CEP112: variants seen among roughly 807,000 people sequenced by gnomAD.
CEP112 encodes the protein centrosomal protein of 112 kDa.
Under a neutral mutation model 153.0 loss-of-function variants are expected in CEP112, and 127 were observed. The observed-to-expected ratio is 0.83, with a 90% CI of 0.72 to 0.96. The LOEUF is 0.96. Ranked by LOEUF, CEP112 falls within the 40% of genes least tolerant of loss-of-function variation. The pLI is 0.00. For missense variants in CEP112, 1,089 were observed against 1,101.2 expected (o/e 0.99, Z 0.16); for synonymous variants, 358 against 374.4 (o/e 0.96, Z 0.51).
At position 66,175,102 on chromosome 17, in the gene CEP112, A is replaced by G. The variant is rs1429407267; in HGVS notation, c.412T>C (p.Trp138Arg). ...ETSEHKLNES[W>R]KLSSGEDNTL... is the part of the protein sequence containing the mutation. ...TTATCTTCTCCAGAAGAGAGTTTCC[A>G]TGATTCATTTAATTTGTGTTCACTT... Residue 138 changes from tryptophan (W) to arginine (R), a missense_variant, in exon 4 of 27, where the codon TGG becomes CGG. Physicochemically the swap from Trp to Arg is moderately radical, Grantham distance 101. Coordinates refer to ENST00000535342, the MANE Select transcript of CEP112 (RefSeq NM_001199165.4). The G allele has an allele frequency of 1.2e-6, 2 of 1,613,148 alleles. No individual in the cohort carries two copies. The highest frequency in any genetic ancestry group is 2.7e-5 in the African/African-American group (2 of 74,894).
At chr17:66,188,475 T>C (rs2073033371) in intron 1 of CEP112, among the ~76,000 whole-genome samples, 1 of 124,998 alleles carries the variant, frequency 8.0e-6, no homozygotes, top group East Asian at 2.6e-4. Flanking sequence ...GTCAGGTAAA[T>C]GCAGCTCAAA....
intron 8 of CEP112, among the ~76,000 whole-genome samples, chr17:66,070,921 A>G (rs2067287783): frequency 6.6e-6 from 1 of 152,140 alleles, no homozygotes; most frequent in Admixed American, 6.6e-5. Context: ...TAATTAAGGA[A>G]AAGTATCCTT....
chr17:65,972,286 T>C (rs1280166793), intron 17 of CEP112, among the ~76,000 whole-genome samples: 1 of 152,240 alleles, frequency 6.6e-6, no homozygotes, highest in Non-Finnish European at 1.5e-5. Context: ...ATAATGTTTT[T>C]CTACACAGCC....
intron 17 of CEP112, among the ~76,000 whole-genome samples, chr17:66,003,990 T>TTATAAAA (rs150866981): frequency 0.41 from 61,882 of 151,114 alleles, 14,080 homozygotes; most frequent in East Asian, 0.87. Flanking sequence ...TTCCTTAGAT[T>TTATAAAA]TATAAATCAA....
intron 4 of CEP112, among the ~76,000 whole-genome samples, chr17:66,169,015 G>T (rs965118624): frequency 6.6e-6 from 1 of 152,090 alleles, no homozygotes; most frequent in African/African-American, 2.4e-5. Context: ...CTCTATGTCT[G>T]TCATCGTATA....
intron 6 of CEP112, among the ~76,000 whole-genome samples, chr17:66,117,882 A>G (rs754606337): frequency 6.6e-6 from 1 of 152,234 alleles, no homozygotes; most frequent in African/African-American, 2.4e-5. Flanking sequence ...AAGAAGACAT[A>G]CAAATGGCCA....
rs1194677392 is a variant in CEP112 at position 65,837,901 on chromosome 17, A to G, written c.2394+13903T>C. Among the ~76,000 whole-genome samples, 3 of 152,150 alleles carry G rather than the reference A, an allele frequency of 2.0e-5. No individual in the cohort carries two copies. In the East Asian group the frequency reaches 5.8e-4, roughly 29 times the overall value. ...ATGCTTGAAGGCAGCATACTCGTTAAGAGTCATCACCACTCCCTAATCTCA... is the reference window on the plus strand; with the variant it reads ...ATGCTTGAAGGCAGCATACTCGTTAGGAGTCATCACCACTCCCTAATCTCA... On this transcript the variant is annotated intron_variant, in intron 21 of 26. Transcript: ENST00000535342.
At chr17:65,929,920 G>A (rs1396190325) in intron 18 of CEP112, among the ~76,000 whole-genome samples, 1 of 152,180 alleles carries the variant, frequency 6.6e-6, no homozygotes, top group African/African-American at 2.4e-5. Context: ...GATGCAATGA[G>A]AAAGAGATGT....
chr17:65,923,407 C>T (rs1006282660), intron 19 of CEP112, among the ~76,000 whole-genome samples: 41 of 152,078 alleles, frequency 2.7e-4, no homozygotes, highest in Non-Finnish European at 4.6e-4. Context: ...AGACCAGGCA[C>T]GGTGGCTCAA....
chr17:66,041,254 T>C (rs1349220879), intron 12 of CEP112, among the ~76,000 whole-genome samples: 1 of 149,248 alleles, frequency 6.7e-6, no homozygotes, highest in African/African-American at 2.5e-5. Flanking sequence ...CCAAAATAAG[T>C]ATTGTAGGAA....
intron 21 of CEP112, among the ~76,000 whole-genome samples, chr17:65,769,146 C>T (rs755314298): frequency 1.5e-4 from 23 of 151,214 alleles, no homozygotes; most frequent in Non-Finnish European, 2.8e-4. Flanking sequence ...ACAATGTAGC[C>T]AAAAAGGAAA....
At position 65,851,877 on chromosome 17, in the gene CEP112, T is replaced by G. The variant is rs2057944783; in HGVS notation, c.2321A>C (p.Lys774Thr). Residue 774 changes from lysine to threonine, a missense_variant, in exon 21 of 27, where the codon AAG (lysine) becomes ACG (threonine). By Grantham distance (78) the Lys-to-Thr change is moderately conservative. Transcript: ENST00000535342. Reference sequence around the variant, plus strand: ...TATTTTCATCTTTTCTGATTCAGCCTTCAGTTTATTGACGACAATCTCATG... The same window carrying G: ...TATTTTCATCTTTTCTGATTCAGCCGTCAGTTTATTGACGACAATCTCATG... ...REHEIVVNKL[K>T]AESEKMKIEL... 6.2e-7 allele frequency: 1 copy of G among 1,614,196 alleles called. No homozygotes were observed. Among genetic ancestry groups the G allele is most frequent in the Non-Finnish European group, 8.5e-7 (1 of 1,180,020 alleles).
intron 8 of CEP112, among the ~76,000 whole-genome samples, chr17:66,087,830 G>C (rs1234548170): frequency 6.6e-6 from 1 of 152,052 alleles, no homozygotes; most frequent in Non-Finnish European, 1.5e-5. Context: ...CCTCCACTTG[G>C]GAGGAGGGAA....
At chr17:65,908,458 G>A (rs548817142) in intron 19 of CEP112, among the ~76,000 whole-genome samples, 2 of 152,260 alleles carry the variant, frequency 1.3e-5, no homozygotes, top group East Asian at 3.9e-4. Context: ...CACTTTGGGA[G>A]GCTGAGCCGG....
chr17:65,900,597 A>G (rs1288070988), intron 20 of CEP112, among the ~76,000 whole-genome samples: 4 of 152,162 alleles, frequency 2.6e-5, no homozygotes, highest in African/African-American at 7.2e-5. Flanking sequence ...GAAGTTATGC[A>G]AATTAGTGTA....
In CEP112 at chr17:66,166,921, A is replaced by AC. The variant is rs1366077505; in HGVS notation, c.470+8122_470+8123insG. Among the ~76,000 whole-genome samples the AC allele has an allele frequency of 1.5e-4, 22 of 151,488 alleles. No homozygotes were observed. The East Asian group carries it at 3.7e-3, about 25-fold the overall frequency. ...TCCATCTCAAAAAAAAAAAAAAAAA[A>AC]ACACACAGTTACTTAGGCAGCTTCA... On this transcript the variant is annotated intron_variant, in intron 4 of 26. Coordinates refer to ENST00000535342, the MANE Select transcript of CEP112 (RefSeq NM_001199165.4).
intron 12 of CEP112, among the ~76,000 whole-genome samples, chr17:66,030,820 A>G (rs894505562): frequency 3.9e-5 from 6 of 152,218 alleles, no homozygotes; most frequent in African/African-American, 1.2e-4. Flanking sequence ...TAAACTTCTA[A>G]TAAGTGTGAG....
chr17:65,962,840 C>T (rs1479329095), intron 17 of CEP112, among the ~76,000 whole-genome samples: 1 of 152,208 alleles, frequency 6.6e-6, no homozygotes, highest in Non-Finnish European at 1.5e-5. Context: ...TGCCTTCCGC[C>T]ATGATTGTGA....
chr17:66,149,562 T>A (rs1230325741), intron 4 of CEP112, among the ~76,000 whole-genome samples: 1 of 152,148 alleles, frequency 6.6e-6, no homozygotes, highest in Non-Finnish European at 1.5e-5. Flanking sequence ...TGGTAGGTCA[T>A]GTGTTGTGAG....
Sources: allele counts gnomAD v4.1 joint callset (sites outside exome capture counted in the v4.1 genomes callset), GRCh38; gene constraint gnomAD v4.1.1; transcripts MANE v1.5; gene names NCBI Gene and HGNC (gene_info 2026-07-23, HGNC 2026-07-21).